Variants in ELMO1 observed in about 807,000 individuals in gnomAD.
ELMO1 encodes engulfment and cell motility 1.
ELMO1 carries 26 observed loss-of-function variants against 98.9 expected under a neutral mutation model. That is an observed-to-expected ratio of 0.26 (90% CI 0.19 to 0.36). The LOEUF is 0.36. Among genes scored for constraint, ELMO1 ranks in the 10% least tolerant of loss-of-function variants. The pLI, the probability that ELMO1 is intolerant of heterozygous loss-of-function variation, is 1.00. For synonymous variants in ELMO1, 346 were observed against 346.0 expected, an observed-to-expected ratio of 1.00 and a Z score of 0.00; for missense variants, 627 against 935.2, an observed-to-expected ratio of 0.67 and a Z score of 4.30.
intron 1 of ELMO1, among the ~76,000 whole-genome samples, chr7:37,343,487 C>CTTTTT (rs10571805): frequency 1.5e-3 from 136 of 92,752 alleles, no homozygotes; most frequent in Non-Finnish European, 2.0e-3. Context: ...TAGCCCATTT[C>CTTTTT]TTTTTTTTTT....
intron 16 of ELMO1, among the ~76,000 whole-genome samples, chr7:36,982,608 A>G (rs1172296569): frequency 6.6e-6 from 1 of 152,212 alleles, no homozygotes; most frequent in African/African-American, 2.4e-5. Flanking sequence ...AAAGTGCATA[A>G]TACTAGGCAA....
In ELMO1 at chr7:37,259,316, T is replaced by C. The variant is rs1795860282; in HGVS notation, c.278A>G (p.Gln93Arg). 1 of 1,614,086 alleles carries C rather than the reference T, an allele frequency of 6.2e-7. No individual in the cohort carries two copies. Among genetic ancestry groups the C allele is most frequent in the Non-Finnish European group, 8.5e-7 (1 of 1,179,974 alleles). ...CAGCTTGGCATCCATACTCGAGGACTGGATTCGTTCATGGAGCTGCTGGGC... is the reference window on the plus strand; with the variant it reads ...CAGCTTGGCATCCATACTCGAGGACCGGATTCGTTCATGGAGCTGCTGGGC... ...QNAQQLHERI[Q>R]SSSMDAKLEA... is the part of the protein sequence containing the mutation. The change falls in exon 6 of 22, where the codon CAG becomes CGG. Residue 93 changes from glutamine (Q) to arginine (R), a missense_variant. Around this residue, in one of 3 missense-constraint regions of ELMO1, gnomAD observed 123 missense variants for 171.2 expected, o/e 0.72. Coordinates refer to ENST00000310758, the MANE Select transcript of ELMO1 (RefSeq NM_014800.11).
At chr7:37,164,800 A>G (rs1381876721) in intron 13 of ELMO1, among the ~76,000 whole-genome samples, 1 of 149,762 alleles carries the variant, frequency 6.7e-6, no homozygotes, top group Admixed American at 6.7e-5. Context: ...CTTTTGGCTC[A>G]GGATTGACTT....
At chr7:37,092,905 CTTTCTT>C (rs1435015897) in intron 15 of ELMO1, among the ~76,000 whole-genome samples, 9 of 148,622 alleles carry the variant, frequency 6.1e-5, no homozygotes, top group African/African-American at 2.1e-4. Context: ...TCTACACTGT[CTTTCTT>C]TTTCTTTTTT....
At chr7:37,025,604 T>A (rs1794521916) in intron 15 of ELMO1, among the ~76,000 whole-genome samples, 1 of 152,018 alleles carries the variant, frequency 6.6e-6, no homozygotes, top group African/African-American at 2.4e-5. Context: ...CCTCACTGCT[T>A]GAGCTGGGAC....
At chr7:37,263,218 C>T (rs908932650) in intron 5 of ELMO1, among the ~76,000 whole-genome samples, 1 of 151,284 alleles carries the variant, frequency 6.6e-6, no homozygotes, top group South Asian at 2.1e-4. Context: ...AAATTTTGTT[C>T]TCAGATATCA....
intron 16 of ELMO1, among the ~76,000 whole-genome samples, chr7:37,004,303 TAGAAA>T (rs1369959202): frequency 3.9e-5 from 6 of 152,200 alleles, no homozygotes; most frequent in African/African-American, 1.2e-4. Context: ...ATTCAGGTCA[TAGAAA>T]CCAGTTAACA....
At chr7:37,336,598 G>A (rs1035071380) in intron 2 of ELMO1, among the ~76,000 whole-genome samples, 2 of 152,116 alleles carry the variant, frequency 1.3e-5, no homozygotes, top group African/African-American at 4.8e-5. Context: ...AACCAGGAAG[G>A]AAACAATCCC....
At chr7:37,212,781 T>A (rs1793052798) in intron 12 of ELMO1, among the ~76,000 whole-genome samples, 1 of 152,116 alleles carries the variant, frequency 6.6e-6, no homozygotes, top group South Asian at 2.1e-4. Flanking sequence ...CACTCTACCC[T>A]CACACAGCAA....
intron 1 of ELMO1, among the ~76,000 whole-genome samples, chr7:37,389,545 A>G (rs1185720229): frequency 6.6e-6 from 1 of 152,194 alleles, no homozygotes; most frequent in Non-Finnish European, 1.5e-5. Context: ...ACTTCAGTCC[A>G]CTGCTAAAAC....
At chr7:37,224,496 T>C (rs1009694148) in intron 9 of ELMO1, among the ~76,000 whole-genome samples, 3 of 152,240 alleles carry the variant, frequency 2.0e-5, no homozygotes, top group Non-Finnish European at 2.9e-5. Context: ...TAATTAACTA[T>C]GAAAATACTC....
At position 37,121,669 on chromosome 7, in the gene ELMO1, C is replaced by T. The variant is rs200474556; in HGVS notation, c.1191+11461G>A. Among the ~76,000 whole-genome samples the T allele has an allele frequency of 1.1e-3, 167 of 152,240 alleles. 1 individual carries two copies. Among genetic ancestry groups the T allele is most frequent in the African/African-American group, 3.6e-3 (148 of 41,530 alleles). ...GTCTGATTGGTGTACCTGAAAGTGACGGGGAGAATGGAACCAAGTTGGAAA... is the reference window on the plus strand; with the variant it reads ...GTCTGATTGGTGTACCTGAAAGTGATGGGGAGAATGGAACCAAGTTGGAAA... On this transcript the variant is annotated intron_variant, in intron 14 of 21. Transcript: ENST00000310758.
intron 1 of ELMO1, among the ~76,000 whole-genome samples, chr7:37,360,092 C>CT (rs914321880): frequency 3.9e-5 from 6 of 152,160 alleles, no homozygotes; most frequent in African/African-American, 1.4e-4. Context: ...AAGCTTTTAC[C>CT]TTTTCACTTC....
chr7:36,878,191 T>C, intron 18 of ELMO1, 74 bp from the exon 19 acceptor site: 2 of 1,125,014 alleles, frequency 1.8e-6, no homozygotes, highest in African/African-American at 1.5e-5. Flanking sequence ...TATTTCTTAA[T>C]ACTCTTGCCT....
Position 37,122,556 on chromosome 7 carries a change from G to A in ELMO1, c.1191+10574C>T, listed in dbSNP as rs187819388. 5.1e-3 allele frequency among the ~76,000 whole-genome samples: 783 copies of A among 152,266 alleles called. 10 individuals are homozygous for A. Among genetic ancestry groups the A allele is most frequent in the African/African-American group, 0.018 (738 of 41,546 alleles). ...AGACGAAGAAGGCCATTACACAATG[G>A]TAAAGGGATCAATTCAACAAGAAGA... is the stretch of plus-strand genomic sequence containing the variant. On this transcript the variant is annotated intron_variant, in intron 14 of 21. Transcript: ENST00000310758.
chr7:37,342,755 T>C lies in ELMO1; in HGVS notation c.-65A>G. Reference sequence around the variant, plus strand: ...ATCCTACAGCGTAAACGGCCACACGTGTCTATACCTAATGAGGAATGACAG... The same window carrying C: ...ATCCTACAGCGTAAACGGCCACACGCGTCTATACCTAATGAGGAATGACAG... On this transcript the variant is annotated 5_prime_UTR_variant, in exon 2 of 22. Coordinates refer to ENST00000310758, the MANE Select transcript of ELMO1 (RefSeq NM_014800.11). This position sits in a 1 kb window ranked among gnomAD's most constrained non-coding sequence, Gnocchi z 4.3. 1 of 1,355,154 alleles carries C rather than the reference T, an allele frequency of 7.4e-7. No homozygotes were observed. Among genetic ancestry groups the C allele is most frequent in the Non-Finnish European group, 1.0e-6 (1 of 980,572 alleles). 83.9% of individuals were successfully genotyped at this position (1,355,154 alleles called of 1,614,324 possible).
chr7:37,143,802 C>T (rs1787802258), intron 13 of ELMO1, among the ~76,000 whole-genome samples: 1 of 151,550 alleles, frequency 6.6e-6, no homozygotes, highest in Non-Finnish European at 1.5e-5. Context: ...CCTCTGCCCC[C>T]TGGGTTCTAG....
At chr7:36,986,011 G>T (rs1359699699) in intron 16 of ELMO1, 4 of 1,002,382 alleles carry the variant, frequency 4.0e-6, no homozygotes, top group Non-Finnish European at 3.6e-6. Flanking sequence ...TCCCCCTGAA[G>T]AACAATGTGC....
intron 13 of ELMO1, among the ~76,000 whole-genome samples, chr7:37,151,288 TAATC>T (rs1788339753): frequency 6.6e-6 from 1 of 152,212 alleles, no homozygotes; most frequent in Admixed American, 6.5e-5. Flanking sequence ...TCCTTTATTG[TAATC>T]CTTGAAGCCT....
Sources: gnomAD v4.1 joint callset for allele counts (sites outside exome capture counted in the v4.1 genomes callset) on GRCh38, gnomAD v4.1.1 for gene constraint, gnomAD v4.1.1 regional missense constraint, Gnocchi (gnomAD v3.1) non-coding constraint, MANE v1.5 for transcripts, NCBI Gene and HGNC (gene_info 2026-07-23, HGNC 2026-07-21) for gene names.